The following NDST4 variants were observed in gnomAD, a reference collection of about 807,000 sequenced individuals.
The protein encoded by NDST4 is N-deacetylase and N-sulfotransferase 4.
Under a neutral mutation model 100.8 loss-of-function variants are expected in NDST4, and 63 were observed. The ratio of observed to expected loss-of-function variants is 0.62; its 90% CI spans 0.51 to 0.77. The LOEUF (loss-of-function observed/expected upper bound fraction) is 0.77, where lower values mean the gene tolerates loss of function less well. NDST4 is among the 30% of genes least tolerant of loss of function. The pLI is 0.00. For synonymous variants in NDST4, 377 were observed against 361.8 expected (o/e 1.04, Z -0.48); for missense variants, 943 against 1,018.4 (o/e 0.93, Z 1.01).
chr4:114,882,925 A>C (rs1222767087), intron 6 of NDST4, among the ~76,000 whole-genome samples: 1 of 152,084 alleles, frequency 6.6e-6, no homozygotes. Context: ...CATGCAAGCA[A>C]GAAGAGAGTG....
chr4:114,922,176 C>A (rs1482390911), intron 6 of NDST4, among the ~76,000 whole-genome samples: 1 of 152,126 alleles, frequency 6.6e-6, no homozygotes, highest in African/African-American at 2.4e-5. Flanking sequence ...CATATCAAAA[C>A]CCTTGAAACT....
At chr4:114,898,263 T>C (rs531116892) in intron 6 of NDST4, among the ~76,000 whole-genome samples, 2 of 152,274 alleles carry the variant, frequency 1.3e-5, no homozygotes, top group South Asian at 4.1e-4. Context: ...GATTTATTTA[T>C]TTTTTTATTT....
At chr4:114,933,748 G>GA (rs1319714937) in intron 6 of NDST4, among the ~76,000 whole-genome samples, 2 of 151,908 alleles carry the variant, frequency 1.3e-5, no homozygotes, top group African/African-American at 4.8e-5. Flanking sequence ...ACAGGTATAC[G>GA]AAAAAATCCT....
At position 115,034,934 on chromosome 4, in the gene NDST4, C is replaced by T. The variant is rs544555367; in HGVS notation, c.978+41125G>A. On this transcript the variant is annotated intron_variant, in intron 2 of 13. Coordinates refer to ENST00000264363, the MANE Select transcript of NDST4 (RefSeq NM_022569.3). ...TTCCTATCTATCCTCCTTTCTTCTTCCTCTCTTTTACAGAAGTCAGAAGAG... is the reference window on the plus strand; with the variant it reads ...TTCCTATCTATCCTCCTTTCTTCTTTCTCTCTTTTACAGAAGTCAGAAGAG... 2.6e-5 allele frequency among the ~76,000 whole-genome samples: 4 copies of T among 152,202 alleles called. No homozygotes were observed. In the South Asian group the frequency reaches 6.2e-4, roughly 24 times the overall value.
At chr4:114,940,716 G>A (rs1050929507) in intron 4 of NDST4, among the ~76,000 whole-genome samples, 1 of 152,186 alleles carries the variant, frequency 6.6e-6, no homozygotes, top group African/African-American at 2.4e-5. Context: ...CAGTGCTGAG[G>A]AAGAGTCAGG....
intron 1 of NDST4, among the ~76,000 whole-genome samples, chr4:115,111,782 G>C (rs1304732698): frequency 3.3e-5 from 5 of 151,622 alleles, no homozygotes; most frequent in Non-Finnish European, 7.4e-5. Context: ...CATTCAGATA[G>C]AGTTAAAAGG....
In NDST4 at chr4:114,856,149, T is replaced by G. The variant is rs1041875138; in HGVS notation, c.1720-3328A>C. 3.2e-4 allele frequency among the ~76,000 whole-genome samples: 48 copies of G among 151,896 alleles called. 2 individuals are homozygous for G. The highest frequency in any genetic ancestry group is 3.0e-3 in the Admixed American group (46 of 15,230). On this transcript the variant is annotated intron_variant, in intron 7 of 13. Transcript: ENST00000264363. ...GCCAACTCGGCTCACTGCAACCTTCTCTTCTCAGATTCAAGTGATTCTCCT... is the reference window on the plus strand; with the variant it reads ...GCCAACTCGGCTCACTGCAACCTTCGCTTCTCAGATTCAAGTGATTCTCCT...
chr4:115,094,417 A>G (rs1199952922), intron 1 of NDST4, among the ~76,000 whole-genome samples: 1 of 152,178 alleles, frequency 6.6e-6, no homozygotes, highest in East Asian at 1.9e-4. Flanking sequence ...TAAGACTAAC[A>G]TAATGTTGAT....
intron 6 of NDST4, among the ~76,000 whole-genome samples, chr4:114,893,254 A>G (rs751308560): frequency 2.0e-5 from 3 of 152,162 alleles, no homozygotes; most frequent in Non-Finnish European, 4.4e-5. Context: ...CTTTGGGTAT[A>G]TATCCAGTAA....
intron 2 of NDST4, among the ~76,000 whole-genome samples, chr4:114,984,820 G>C (rs1018231699): frequency 1.3e-5 from 2 of 152,052 alleles, no homozygotes; most frequent in Non-Finnish European, 2.9e-5. Flanking sequence ...CTTTTGCTTC[G>C]ATACTATTTG....
intron 2 of NDST4, among the ~76,000 whole-genome samples, chr4:115,018,792 C>T (rs917072824): frequency 1.3e-5 from 2 of 151,814 alleles, no homozygotes; most frequent in African/African-American, 4.8e-5. Flanking sequence ...ATTATACATG[C>T]TTGGTAAAAA....
intron 2 of NDST4, among the ~76,000 whole-genome samples, chr4:114,981,803 G>A (rs959792448): frequency 6.6e-6 from 1 of 152,138 alleles, no homozygotes; most frequent in Non-Finnish European, 1.5e-5. Flanking sequence ...AATAAGTCAT[G>A]TGCATATTCA....
chr4:114,952,161 C>T (rs1158597513), intron 4 of NDST4, among the ~76,000 whole-genome samples: 1 of 151,912 alleles, frequency 6.6e-6, no homozygotes, highest in African/African-American at 2.4e-5. Flanking sequence ...TTACACTTAC[C>T]AAAAATAATA....
At position 115,040,140 on chromosome 4, in the gene NDST4, T is replaced by G. The variant is rs185390388; in HGVS notation, c.978+35919A>C. 2.0e-5 allele frequency among the ~76,000 whole-genome samples: 3 copies of G among 151,860 alleles called. No homozygotes were observed. The East Asian group carries it at 5.8e-4, about 29-fold the overall frequency. ...GATAAAAACTAGACTTCTTTGAATA[T>G]TCTTTTTTAGTGAATTTTTCTTTGA... On this transcript the variant is annotated intron_variant, in intron 2 of 13. Coordinates refer to ENST00000264363, the MANE Select transcript of NDST4 (RefSeq NM_022569.3).
At chr4:114,909,668 T>TAAAAAAAAAA (rs1446397349) in intron 6 of NDST4, among the ~76,000 whole-genome samples, 1 of 58,740 alleles carries the variant, frequency 1.7e-5, no homozygotes, top group African/African-American at 1.7e-4. Context: ...AGACTCCGTC[T>TAAAAAAAAAA]CAAAAAAAAA....
At chr4:115,082,082 GA>G (rs1375158232) in intron 1 of NDST4, among the ~76,000 whole-genome samples, 1 of 151,782 alleles carries the variant, frequency 6.6e-6, no homozygotes, top group Non-Finnish European at 1.5e-5. Flanking sequence ...GCTTTGATAA[GA>G]AAAAAAGGGA....
At chr4:115,072,350 T>A (rs7671596) in intron 2 of NDST4, among the ~76,000 whole-genome samples, 38,855 of 151,618 alleles carry the variant, frequency 0.26, 6,788 homozygotes, top group African/African-American at 0.47. Flanking sequence ...TAGAAAAAAA[T>A]TTTTAAAAGA....
chr4:114,850,238 T>C lies in NDST4; in HGVS notation c.1817-1900A>G, dbSNP rs1354715200. ...ATCTAAATATAGACACTTTATAGCC[T>C]CACTCAGTAATAAGTAGAAATGTTT... On this transcript the variant is annotated intron_variant, in intron 8 of 13. Transcript: ENST00000264363. Among the ~76,000 whole-genome samples, 3 of 152,290 alleles carry C rather than the reference T, an allele frequency of 2.0e-5. No homozygotes were observed. The East Asian group carries it at 5.8e-4, about 29-fold the overall frequency.
At chr4:114,970,608 A>T (rs1445236232) in intron 3 of NDST4, 24 bp from the exon 4 acceptor site, 1 of 1,585,474 alleles carries the variant, frequency 6.3e-7, no homozygotes. Flanking sequence ...AGTTAAAAAT[A>T]ACTTTAGTGA....
Sources: gnomAD v4.1 joint callset for allele counts (sites outside exome capture counted in the v4.1 genomes callset) on GRCh38, gnomAD v4.1.1 for gene constraint, MANE v1.5 for transcripts, NCBI Gene and HGNC (gene_info 2026-07-23, HGNC 2026-07-21) for gene names.